NEK1: variants seen among roughly 807,000 people sequenced by gnomAD.
NEK1 encodes NIMA related kinase 1, also known as serine/threonine-protein kinase Nek1.
Under a neutral mutation model 182.1 loss-of-function variants are expected in NEK1, and 137 were observed. The observed-to-expected ratio is 0.75, with a 90% CI of 0.65 to 0.87. The LOEUF is 0.87. NEK1 is among the 40% of genes least tolerant of loss of function. The probability of loss-of-function intolerance (pLI) is 0.00; values close to 1 mark genes in which losing one functional copy is unlikely to be tolerated. For missense variants in NEK1, 1,391 were observed against 1,494.4 expected, an observed-to-expected ratio of 0.93 and a Z score of 1.14; for synonymous variants, 513 against 492.2, an observed-to-expected ratio of 1.04 and a Z score of -0.56.
intron 12 of NEK1, among the ~76,000 whole-genome samples, chr4:169,571,178 A>AT (rs1424572266): frequency 1.7e-4 from 20 of 120,240 alleles, no homozygotes; most frequent in East Asian, 2.3e-4. Flanking sequence ...TGATCAATAA[A>AT]AAAATAAATA....
intron 12 of NEK1, among the ~76,000 whole-genome samples, chr4:169,572,001 C>T (rs1764945237): frequency 6.6e-6 from 1 of 151,560 alleles, no homozygotes; most frequent in Non-Finnish European, 1.5e-5. Flanking sequence ...AGGCCCACCT[C>T]CCAAAGTGCT....
rs1004653822 is a variant in NEK1 at position 169,437,990 on chromosome 4, CAT to C, written c.2764+91_2764+92del. 6 of 949,818 alleles carry C rather than the reference CAT, an allele frequency of 6.3e-6. No individual in the cohort carries two copies. The African/African-American group carries it at 1.0e-4, about 16-fold the overall frequency. The allele number at this position is 949,818 out of a possible 1,614,324, so 58.8% of individuals were successfully genotyped here. ...ACCTAATTTGAGATAATTACCCAAA[CAT>C]ATACAAATTTTGATAATCTGTTTAT... is the stretch of plus-strand genomic sequence containing the variant. On this transcript the variant is annotated intron_variant, in intron 28 of 35. Transcript: ENST00000507142.
intron 2 of NEK1, among the ~76,000 whole-genome samples, chr4:169,606,843 T>C (rs980323543): frequency 2.0e-5 from 3 of 152,154 alleles, no homozygotes; most frequent in Non-Finnish European, 4.4e-5. Flanking sequence ...GAAACAGCAA[T>C]GCATTGAGGG....
chr4:169,497,190 G>A (rs1346297421), intron 23 of NEK1, among the ~76,000 whole-genome samples: 21 of 151,640 alleles, frequency 1.4e-4, no homozygotes, highest in South Asian at 6.3e-4. Flanking sequence ...GTTTATTTGC[G>A]TAGAGGTGTT....
intron 26 of NEK1, among the ~76,000 whole-genome samples, chr4:169,471,253 G>A (rs1443426559): frequency 5.3e-5 from 8 of 152,124 alleles, no homozygotes; most frequent in East Asian, 3.8e-4. Context: ...CCTCATCTTC[G>A]TGAATTTATC....
intron 29 of NEK1, among the ~76,000 whole-genome samples, chr4:169,432,662 G>A (rs1737647839): frequency 6.6e-6 from 1 of 152,168 alleles, no homozygotes; most frequent in Non-Finnish European, 1.5e-5. Flanking sequence ...TAAGGAGGAA[G>A]ACAATATATT....
In NEK1 at chr4:169,463,351, G is replaced by A; in HGVS notation, c.2479C>T (p.Pro827Ser). ...GGACTTTTCCCCCAGGCTCTTCTTGGAGATCCATTAGGACCTAATTTAATA... is the reference window on the plus strand; with the variant it reads ...GGACTTTTCCCCCAGGCTCTTCTTGAAGATCCATTAGGACCTAATTTAATA... Reference protein sequence around the residue: ...EVIKLGPNGSPRRAWGKSPTD... With the variant: ...EVIKLGPNGSSRRAWGKSPTD... Residue 827 changes from proline (P) to serine (S), a missense_variant, in exon 27 of 36, where the codon CCA (proline) becomes TCA (serine). Physicochemically the swap from Pro to Ser is moderately conservative, Grantham distance 74 (BLOSUM62 -1). Transcript: ENST00000507142. 3.7e-6 allele frequency: 6 copies of A among 1,609,880 alleles called. No homozygotes were observed. Among genetic ancestry groups the A allele is most frequent in the Non-Finnish European group, 5.1e-6 (6 of 1,177,438 alleles).
chr4:169,394,232 GTTCTGGGTCAATGT>G lies in NEK1; in HGVS notation c.*264_*277del, dbSNP rs1730334720. On this transcript the variant is annotated 3_prime_UTR_variant, in exon 36 of 36. Transcript: ENST00000507142. ...TAAATCTTCAAAACCATTAAGTCAG[GTTCTGGGTCAATGT>G]TTCCTATGCTTTGGTTGGATGATTT... The G allele has an allele frequency of 3.4e-6, 1 of 295,770 alleles. No homozygotes were observed. Among genetic ancestry groups the G allele is most frequent in the African/African-American group, 2.2e-5 (1 of 45,208 alleles). The allele number at this position is 295,770 out of a possible 1,614,324, so 18.3% of individuals were successfully genotyped here.
chr4:169,540,956 A>G (rs563432685), intron 18 of NEK1, among the ~76,000 whole-genome samples: 1 of 152,174 alleles, frequency 6.6e-6, no homozygotes, highest in Non-Finnish European at 1.5e-5. Context: ...ACACATGAAT[A>G]AGCAACAAGA....
chr4:169,597,660 C>T (rs1344463812), intron 5 of NEK1, among the ~76,000 whole-genome samples: 4 of 151,830 alleles, frequency 2.6e-5, no homozygotes, highest in African/African-American at 9.7e-5. Flanking sequence ...CCCAGCCAGG[C>T]GCGGTGGCTC....
intron 18 of NEK1, among the ~76,000 whole-genome samples, chr4:169,548,613 T>C (rs1222687969): frequency 6.6e-6 from 1 of 152,234 alleles, no homozygotes; most frequent in African/African-American, 2.4e-5. Flanking sequence ...GTGGGGGTTT[T>C]ATCTATAAGA....
chr4:169,574,820 C>G (rs1247250526), intron 12 of NEK1, among the ~76,000 whole-genome samples: 1 of 152,092 alleles, frequency 6.6e-6, no homozygotes, highest in Non-Finnish European at 1.5e-5. Context: ...TTAGAGAAAA[C>G]AGCCAGCATG....
At chr4:169,412,927 A>C (rs996961652) in intron 31 of NEK1, among the ~76,000 whole-genome samples, 4 of 151,786 alleles carry the variant, frequency 2.6e-5, no homozygotes, top group Non-Finnish European at 2.9e-5. Context: ...AGAGAGGGAA[A>C]GAGGGAGGCA....
At chr4:169,505,641 T>C (rs1753124470) in intron 23 of NEK1, among the ~76,000 whole-genome samples, 1 of 152,190 alleles carries the variant, frequency 6.6e-6, no homozygotes, top group African/African-American at 2.4e-5. Context: ...GGGTCAATAG[T>C]AGAGTGGTTA....
intron 31 of NEK1, among the ~76,000 whole-genome samples, chr4:169,411,596 G>A (rs577651768): frequency 6.6e-6 from 1 of 152,284 alleles, no homozygotes; most frequent in Non-Finnish European, 1.5e-5. Flanking sequence ...ACAGTGCTGA[G>A]ATTACAGGCG....
In NEK1 at chr4:169,428,462, G is replaced by T. The variant is rs1736831605; in HGVS notation, c.2886-2228C>A. 2.0e-5 allele frequency among the ~76,000 whole-genome samples: 3 copies of T among 149,474 alleles called. 1 individual carries two copies. In the South Asian group the frequency reaches 6.4e-4, roughly 32 times the overall value. On this transcript the variant is annotated intron_variant, in intron 29 of 35. Coordinates refer to ENST00000507142, the MANE Select transcript of NEK1 (RefSeq NM_001199397.3). Reference sequence around the variant, plus strand: ...ACTAAAAACAGTATGTTAAGTAAAAGAAGCCAGAAACAAAAGGCTATATAC... The same window carrying T: ...ACTAAAAACAGTATGTTAAGTAAAATAAGCCAGAAACAAAAGGCTATATAC...
At chr4:169,571,424 A>G (rs1764831877) in intron 12 of NEK1, among the ~76,000 whole-genome samples, 1 of 152,174 alleles carries the variant, frequency 6.6e-6, no homozygotes, top group Non-Finnish European at 1.5e-5. Flanking sequence ...TTAGAAAGTG[A>G]TAACATTGTG....
intron 27 of NEK1, among the ~76,000 whole-genome samples, chr4:169,443,057 A>G (rs1443755783): frequency 1.4e-5 from 2 of 141,328 alleles, no homozygotes; most frequent in African/African-American, 5.6e-5. Context: ...TATTTTATCT[A>G]TCTATCTATC....
intron 10 of NEK1, 61 bp from the exon 11 acceptor site, chr4:169,580,963 C>A: frequency 1.1e-6 from 1 of 903,544 alleles, no homozygotes; most frequent in Non-Finnish European, 1.7e-6. Flanking sequence ...AAAAACCTAC[C>A]CATTAATTAT....
Sources: gnomAD v4.1 joint callset for allele counts (sites outside exome capture counted in the v4.1 genomes callset) on GRCh38, gnomAD v4.1.1 for gene constraint, MANE v1.5 for transcripts, NCBI Gene and HGNC (gene_info 2026-07-23, HGNC 2026-07-21) for gene names.